The following POC1B variants were observed in gnomAD, a reference collection of about 807,000 sequenced individuals.
POC1B encodes POC1 centriolar protein B, also known as POC1 centriolar protein homolog B.
POC1B carries 44 observed loss-of-function variants against 60.6 expected under a neutral mutation model. The observed-to-expected ratio is 0.73, with a 90% CI of 0.57 to 0.93. The LOEUF (loss-of-function observed/expected upper bound fraction) is 0.93, where lower values mean the gene tolerates loss of function less well. POC1B is among the 40% of genes least tolerant of loss of function. The pLI is 0.00. For missense variants in POC1B, 555 were observed against 572.3 expected (o/e 0.97, Z 0.31); for synonymous variants, 180 against 198.9 (o/e 0.90, Z 0.80).
chr12:89,449,870 A>G (rs908298549), intron 10 of POC1B, among the ~76,000 whole-genome samples: 1 of 152,224 alleles, frequency 6.6e-6, no homozygotes, highest in Non-Finnish European at 1.5e-5. Context: ...GTCTCCAAAG[A>G]GACACAAGTT....
intron 2 of POC1B, among the ~76,000 whole-genome samples, chr12:89,509,646 A>T (rs944497152): frequency 2.6e-5 from 4 of 152,244 alleles, no homozygotes; most frequent in Non-Finnish European, 5.9e-5. Flanking sequence ...ATAGGTATTA[A>T]AAACCATGAG....
At chr12:89,480,152 T>C (rs1458716986) in intron 4 of POC1B, among the ~76,000 whole-genome samples, 3 of 152,008 alleles carry the variant, frequency 2.0e-5, no homozygotes, top group Admixed American at 6.6e-5. Context: ...GTTTTTTTTT[T>C]TTGAGACAAG....
At chr12:89,417,992 C>A (rs1368464033), downstream of POC1B, among the ~76,000 whole-genome samples, 1 of 152,152 alleles carries the variant, frequency 6.6e-6, no homozygotes, top group Non-Finnish European at 1.5e-5. Context: ...AAACTGGAAA[C>A]CGTTCTCAGC....
intron 10 of POC1B, among the ~76,000 whole-genome samples, chr12:89,447,963 A>G (rs916353183): frequency 1.3e-5 from 2 of 152,044 alleles, no homozygotes; most frequent in Non-Finnish European, 2.9e-5. Context: ...GGAACTATAG[A>G]TAACGCATGA....
chr12:89,520,800 C>A (rs1423178318), intron 2 of POC1B: 1 of 152,124 alleles, frequency 6.6e-6, no homozygotes, highest in East Asian at 1.9e-4. Flanking sequence ...ACGAGGCATG[C>A]ATTTTTCATA....
intron 2 of POC1B, chr12:89,523,336 G>A (rs1871092565): frequency 1.2e-6 from 2 of 1,614,016 alleles, no homozygotes; most frequent in Non-Finnish European, 8.5e-7. Flanking sequence ...ATCACCATAA[G>A]CTTCTTTTCT....
At chr12:89,448,317 C>T (rs2120755597) in intron 10 of POC1B, among the ~76,000 whole-genome samples, 1 of 152,166 alleles carries the variant, frequency 6.6e-6, no homozygotes, top group East Asian at 1.9e-4. Context: ...ACCAGCCAAC[C>T]ACACAACAGC....
chr12:89,422,638 CAA>C (rs1431909481), intron 11 of POC1B, among the ~76,000 whole-genome samples: 1 of 152,200 alleles, frequency 6.6e-6, no homozygotes, highest in East Asian at 1.9e-4. Flanking sequence ...CATAGTGACT[CAA>C]TGTCTATATC....
chr12:89,524,576 C>T, intron 2 of POC1B: 3 of 1,609,078 alleles, frequency 1.9e-6, no homozygotes, highest in Non-Finnish European at 2.5e-6. Context: ...GAGGCGCAGA[C>T]GCGGCCACCA....
chr12:89,424,828 A>C (rs1450922173), intron 11 of POC1B, among the ~76,000 whole-genome samples: 2 of 152,240 alleles, frequency 1.3e-5, no homozygotes, highest in African/African-American at 2.4e-5. Flanking sequence ...CTGGACAGTG[A>C]GAACATTTTC....
intron 4 of POC1B, among the ~76,000 whole-genome samples, chr12:89,488,667 A>G (rs1199180769): frequency 1.3e-5 from 2 of 151,934 alleles, no homozygotes; most frequent in Non-Finnish European, 2.9e-5. Context: ...TTGTATTTTT[A>G]GTAGAGACGG....
chr12:89,410,209 T>C, the POC1B span, among the ~76,000 whole-genome samples: 1 of 152,190 alleles, frequency 6.6e-6, no homozygotes, highest in Admixed American at 6.5e-5. Flanking sequence ...AAAAACCACA[T>C]GGTTATCTCA....
chr12:89,441,776 C>T (rs940461994), intron 10 of POC1B, among the ~76,000 whole-genome samples: 6 of 152,180 alleles, frequency 3.9e-5, no homozygotes, highest in Non-Finnish European at 8.8e-5. Flanking sequence ...ATGACTTTGA[C>T]AAGTTGAGAG....
chr12:89,459,925 G>T, intron 9 of POC1B: 1 of 490,880 alleles, frequency 2.0e-6, no homozygotes, highest in Non-Finnish European at 3.6e-6. Context: ...TGGTAAGGTT[G>T]AATTCACCCC....
intron 8 of POC1B, 146 bp from the exon 9 acceptor site, chr12:89,467,068 CT>C (rs1159960561): frequency 1.0e-5 from 6 of 573,174 alleles, no homozygotes; most frequent in Non-Finnish European, 1.4e-5. Flanking sequence ...TTCTCAATAT[CT>C]TTTTTTAAGG....
chr12:89,437,538 G>A (rs1214096745), intron 10 of POC1B, among the ~76,000 whole-genome samples: 1 of 151,948 alleles, frequency 6.6e-6, no homozygotes, highest in Non-Finnish European at 1.5e-5. Context: ...ACTCACTTTT[G>A]GGAAGCTGTA....
chr12:89,524,197 T>C, intron 2 of POC1B: 1 of 1,614,034 alleles, frequency 6.2e-7, no homozygotes, highest in African/African-American at 1.3e-5. Flanking sequence ...CATTCTTTTA[T>C]CCTCTATGTG....
downstream of POC1B, among the ~76,000 whole-genome samples, chr12:89,418,352 AGAG>A (rs992336599): frequency 7.9e-5 from 12 of 152,184 alleles, no homozygotes; most frequent in South Asian, 2.1e-4. Flanking sequence ...GGAAGTTTAA[AGAG>A]GAGAAGTTGC....
At chr12:89,484,207 A>C (rs1868514305) in intron 4 of POC1B, among the ~76,000 whole-genome samples, 2 of 152,236 alleles carry the variant, frequency 1.3e-5, no homozygotes, top group Admixed American at 6.5e-5. Flanking sequence ...AAAAGGAGAG[A>C]GGATAAAGAA....
Sources: gnomAD v4.1 joint callset for allele counts (sites outside exome capture counted in the v4.1 genomes callset) on GRCh38, gnomAD v4.1.1 for gene constraint, MANE v1.5 for transcripts, NCBI Gene and HGNC (gene_info 2026-07-23, HGNC 2026-07-21) for gene names.